Variants in SLC24A4 observed in about 807,000 individuals in gnomAD.
The protein encoded by SLC24A4 is solute carrier family 24 member 4.
In SLC24A4, 53 loss-of-function variants were observed where a neutral mutation model predicts 79.0. The observed-to-expected ratio is 0.67, with a 90% CI of 0.54 to 0.84. SLC24A4 has a LOEUF of 0.84. SLC24A4 is among the 40% of genes least tolerant of loss of function. The pLI, the probability that SLC24A4 is intolerant of heterozygous loss-of-function variation, is 0.00. For synonymous variants in SLC24A4, 323 were observed against 323.8 expected (o/e 1.00, Z 0.03); for missense variants, 731 against 822.0 (o/e 0.89, Z 1.35).
At chr14:92,436,743 TCTC>T (rs1892197727) in intron 3 of SLC24A4, among the ~76,000 whole-genome samples, 1 of 152,172 alleles carries the variant, frequency 6.6e-6, no homozygotes, top group South Asian at 2.1e-4. Flanking sequence ...GCTCATCTTC[TCTC>T]CTCATTGTTT....
rs182825452 is a variant in SLC24A4, at chr14:92,490,242, A to G, written c.1538-1423A>G. Among the ~76,000 whole-genome samples the G allele has an allele frequency of 2.0e-4, 30 of 152,322 alleles. No individual in the cohort carries two copies. In the South Asian group the frequency reaches 4.8e-3, roughly 24 times the overall value. ...GTTTGTTCATTCCAAAAACATGTGT[A>G]TGTGTGCCAGGTTAGGACAGTGGTG... On this transcript the variant is annotated intron_variant, in intron 14 of 16. Transcript: ENST00000532405. This position sits in a 1 kb window ranked among gnomAD's most constrained non-coding sequence, Gnocchi z 4.3.
rs1174269945 is a variant in SLC24A4 at position 92,343,616 on chromosome 14, CTT to C, written c.241+17640_241+17641del. ...TCTTTCTTTCTTTCTTTCTTTCTTT[CTT>C]TCTTTCTTTCTTTCTTTCTTTCTCT... On this transcript the variant is annotated intron_variant, in intron 2 of 16. Transcript: ENST00000532405. Among the ~76,000 whole-genome samples the C allele has an allele frequency of 3.4e-5, 5 of 146,842 alleles. No individual in the cohort carries two copies. In the South Asian group the frequency reaches 6.6e-4, roughly 19 times the overall value.
At chr14:92,401,097 A>G (rs952104274) in intron 2 of SLC24A4, among the ~76,000 whole-genome samples, 9 of 152,160 alleles carry the variant, frequency 5.9e-5, no homozygotes, top group Non-Finnish European at 1.3e-4. Flanking sequence ...AGGCAGGAGG[A>G]CACAATAAAG....
chr14:92,356,090 T>A (rs554742927), intron 2 of SLC24A4, among the ~76,000 whole-genome samples: 1 of 152,306 alleles, frequency 6.6e-6, no homozygotes, highest in South Asian at 2.1e-4. Flanking sequence ...ATGAATCACA[T>A]GAGAGAGTCA....
intron 12 of SLC24A4, among the ~76,000 whole-genome samples, chr14:92,463,693 G>C (rs552793352): frequency 2.0e-5 from 3 of 152,026 alleles, no homozygotes; most frequent in Non-Finnish European, 4.4e-5. Flanking sequence ...ATTCCTTTAA[G>C]TGTACAATTC....
At position 92,385,720 on chromosome 14, in the gene SLC24A4, C is replaced by T. The variant is rs530522829; in HGVS notation, c.242-48192C>T. Among the ~76,000 whole-genome samples the T allele has an allele frequency of 7.2e-5, 11 of 152,218 alleles. No individual in the cohort carries two copies. The South Asian group carries it at 1.7e-3, about 23-fold the overall frequency. On this transcript the variant is annotated intron_variant, in intron 2 of 16. Transcript: ENST00000532405. ...GATGCACTCTGGGGCTTCTGCGCAC[C>T]GGCTATCTCCCCCAGCTGCCTGGGA...
In SLC24A4 at chr14:92,493,017, CAG is replaced by C. The variant is rs1555376592; in HGVS notation, c.1717-455_1717-454del. On this transcript the variant is annotated intron_variant, in intron 16 of 16. Coordinates refer to ENST00000532405, the MANE Select transcript of SLC24A4 (RefSeq NM_153646.4). ...ACACACACACACACACACACACACA[CAG>C]AGAAAGATTTGCCCAGCCAGGGGTC... 2.6e-4 allele frequency: 72 copies of C among 281,516 alleles called. 1 individual carries two copies. The highest frequency in any genetic ancestry group is 5.7e-4 in the African/African-American group (21 of 36,938). 17.4% of individuals were successfully genotyped at this position (281,516 alleles called of 1,614,324 possible).
At chr14:92,371,060 C>A (rs554326136) in intron 2 of SLC24A4, among the ~76,000 whole-genome samples, 1 of 152,102 alleles carries the variant, frequency 6.6e-6, no homozygotes, top group Non-Finnish European at 1.5e-5. Flanking sequence ...AAAAAGTTCC[C>A]GGCAAAACTT....
intron 2 of SLC24A4, among the ~76,000 whole-genome samples, chr14:92,351,259 A>ACACACACACACACCCACAC (rs1886850190): frequency 6.6e-6 from 1 of 150,562 alleles, no homozygotes; most frequent in East Asian, 2.0e-4. Flanking sequence ...CACACACACA[A>ACACACACACACACCCACAC]AACACCCAAT....
At chr14:92,413,887 C>A (rs571974657) in intron 2 of SLC24A4, among the ~76,000 whole-genome samples, 1 of 152,074 alleles carries the variant, frequency 6.6e-6, no homozygotes, top group East Asian at 1.9e-4. Context: ...GTATTTGAAT[C>A]GACTGAATGA....
intron 12 of SLC24A4, chr14:92,462,707 T>A (rs1893884696): frequency 6.6e-6 from 1 of 151,872 alleles, no homozygotes; most frequent in South Asian, 2.1e-4. Context: ...CGAGACAGGG[T>A]GCTTTATACA....
intron 2 of SLC24A4, among the ~76,000 whole-genome samples, chr14:92,354,148 C>G (rs1887041035): frequency 1.3e-5 from 2 of 151,984 alleles, no homozygotes; most frequent in Admixed American, 6.5e-5. Context: ...TGATCGTACA[C>G]CATATTATTT....
chr14:92,358,973 A>T (rs960118126), intron 2 of SLC24A4, among the ~76,000 whole-genome samples: 5 of 152,014 alleles, frequency 3.3e-5, no homozygotes, highest in African/African-American at 1.2e-4. Flanking sequence ...GGTGTGAGCC[A>T]CCACGCCCGG....
chr14:92,415,920 T>TTTCCC (rs2141806136), intron 2 of SLC24A4, among the ~76,000 whole-genome samples: 1 of 152,304 alleles, frequency 6.6e-6, no homozygotes, highest in Non-Finnish European at 1.5e-5. Context: ...CCCTCACTCC[T>TTTCCC]TTCCCACTTT....
intron 2 of SLC24A4, among the ~76,000 whole-genome samples, chr14:92,380,378 G>A (rs770613349): frequency 2.0e-5 from 3 of 152,192 alleles, no homozygotes; most frequent in Non-Finnish European, 4.4e-5. Context: ...GGGCTGGCAC[G>A]TGGCCGCATT....
intron 3 of SLC24A4, among the ~76,000 whole-genome samples, chr14:92,438,842 C>A (rs1169609254): frequency 6.6e-6 from 1 of 152,124 alleles, no homozygotes; most frequent in Non-Finnish European, 1.5e-5. Context: ...CAACCTCCAG[C>A]CCCTCTCTCC....
At chr14:92,463,319 C>G (rs559259326) in intron 12 of SLC24A4, among the ~76,000 whole-genome samples, 1 of 152,138 alleles carries the variant, frequency 6.6e-6, no homozygotes, top group African/African-American at 2.4e-5. Context: ...CTTAACACTC[C>G]GCCTTCCTGT....
rs768836892 is a variant in SLC24A4, at chr14:92,486,661, T to C, written c.1423-5T>C. On this transcript the variant is annotated splice_region_variant and splice_polypyrimidine_tract_variant and intron_variant, in intron 13 of 16. Coordinates refer to ENST00000532405, the MANE Select transcript of SLC24A4 (RefSeq NM_153646.4). ...GAGTTCATGTCTCCACCCCACATTC[T>C]GCAGGTGACTATTATCGGATACACA... 15 of 1,598,930 alleles carry C rather than the reference T, an allele frequency of 9.4e-6. No homozygotes were observed. Among genetic ancestry groups the C allele is most frequent in the Non-Finnish European group, 5.1e-6 (6 of 1,166,330 alleles).
intron 2 of SLC24A4, among the ~76,000 whole-genome samples, chr14:92,394,320 G>T (rs1256486423): frequency 6.6e-6 from 1 of 152,058 alleles, no homozygotes; most frequent in Non-Finnish European, 1.5e-5. Flanking sequence ...TACAGGCCAG[G>T]CATGATGGCT....
Sources: allele counts gnomAD v4.1 joint callset (sites outside exome capture counted in the v4.1 genomes callset), GRCh38; gene constraint gnomAD v4.1.1; non-coding constraint Gnocchi (gnomAD v3.1); transcripts MANE v1.5; gene names NCBI Gene and HGNC (gene_info 2026-07-23, HGNC 2026-07-21).